The following MDN1 variants were observed in gnomAD, a reference collection of about 807,000 sequenced individuals.
MDN1 encodes the protein midasin.
In MDN1, 266 loss-of-function variants were observed where a neutral mutation model predicts 669.2. The ratio of observed to expected loss-of-function variants is 0.40; its 90% CI spans 0.36 to 0.44. The LOEUF (loss-of-function observed/expected upper bound fraction) is 0.44. MDN1 is among the 20% of genes least tolerant of loss of function. MDN1 has a pLI of 1.00. For missense variants in MDN1, 5,940 were observed against 6,754.0 expected (o/e 0.88, Z 4.22); for synonymous variants, 2,385 against 2,457.1 (o/e 0.97, Z 0.87).
At chr6:89,765,265 AC>A (rs1817754589) in intron 15 of MDN1, among the ~76,000 whole-genome samples, 2 of 152,044 alleles carry the variant, frequency 1.3e-5, no homozygotes, top group Non-Finnish European at 2.9e-5. Context: ...ATACACACAC[AC>A]ACACAAAAAA....
chr6:89,650,701 AC>A, intron 96 of MDN1, 30 bp downstream of exon 96: 1 of 1,536,132 alleles, frequency 6.5e-7, no homozygotes, highest in East Asian at 2.2e-5. Context: ...TTCTCAGGGC[AC>A]TGTGAGGCCT....
At position 89,781,516 on chromosome 6, in the gene MDN1, T is replaced by C; in HGVS notation, c.1526A>G (p.Glu509Gly). 1 of 1,613,932 alleles carries C rather than the reference T, an allele frequency of 6.2e-7. No homozygotes were observed. The highest frequency in any genetic ancestry group is 8.5e-7 in the Non-Finnish European group (1 of 1,179,880). ...LLDIYIQLTG[E>G]KHHSWSDSSV... ...ACTATCACTCCAAGAGTGATGTTTC[T>C]CTCCAGTAAGTTGGATATAAATGTC... Residue 509 changes from glutamate to glycine, a missense_variant, in exon 10 of 102, where the codon GAG (glutamate) becomes GGG (glycine). Glu to Gly is a moderately conservative substitution (Grantham distance 98). Transcript: ENST00000369393.
intron 27 of MDN1, among the ~76,000 whole-genome samples, chr6:89,746,150 CAG>C (rs1336667745): frequency 6.6e-6 from 1 of 152,142 alleles, no homozygotes; most frequent in East Asian, 1.9e-4. Context: ...GATAATCAGA[CAG>C]AAGTCAATTA....
intron 76 of MDN1, 72 bp downstream of exon 76, chr6:89,677,498 A>G (rs1332175577): frequency 6.3e-7 from 1 of 1,585,548 alleles, no homozygotes; most frequent in East Asian, 2.2e-5. Flanking sequence ...CAATGTGCAA[A>G]TGAGGACAAG....
intron 50 of MDN1, among the ~76,000 whole-genome samples, chr6:89,710,445 G>C (rs1039403192): frequency 3.3e-5 from 5 of 151,286 alleles, no homozygotes; most frequent in African/African-American, 1.2e-4. Flanking sequence ...AAAGCAAGAG[G>C]ATTGTTTGAG....
At position 89,716,782 on chromosome 6, in the gene MDN1, C is replaced by T. The variant is rs199540512; in HGVS notation, c.6611G>A (p.Arg2204Gln). 3.5e-4 allele frequency: 556 copies of T among 1,609,060 alleles called. No individual in the cohort carries two copies. The highest frequency in any genetic ancestry group is 4.5e-4 in the Non-Finnish European group (534 of 1,178,376). ...AEFAKLVEEF[R>Q]SFGVKLTQLA... is the part of the protein sequence containing the mutation. ...CTGCGTAAGCTTCACACCAAAGCTTCGGAACTCTTCAACAAGTTTGGCAAA... is the reference window on the plus strand; with the variant it reads ...CTGCGTAAGCTTCACACCAAAGCTTTGGAACTCTTCAACAAGTTTGGCAAA... Residue 2204 changes from arginine to glutamine, a missense_variant, in exon 44 of 102, where the codon CGA becomes CAA. Arg to Gln is a conservative substitution (Grantham distance 43). This residue lies in a region of MDN1 where 2,292 missense variants were observed against 2,638.3 expected (regional missense o/e 0.87). Transcript: ENST00000369393.
intron 19 of MDN1, among the ~76,000 whole-genome samples, chr6:89,757,962 C>T (rs984455084): frequency 7.2e-5 from 11 of 152,086 alleles, no homozygotes; most frequent in Admixed American, 3.3e-4. Flanking sequence ...GCAGGAGAAT[C>T]GCTTGAACCC....
At chr6:89,758,165 G>T in intron 19 of MDN1, 90 bp downstream of exon 19, 1 of 1,007,638 alleles carries the variant, frequency 9.9e-7, no homozygotes, top group South Asian at 1.5e-5. Context: ...GACTTGCAGT[G>T]AGCCAAGATC....
In MDN1 at chr6:89,696,565, T is replaced by C. The variant is rs1812755302; in HGVS notation, c.9178A>G (p.Asn3060Asp). The C allele has an allele frequency of 1.4e-5, 23 of 1,613,762 alleles. No homozygotes were observed. The highest frequency in any genetic ancestry group is 1.9e-5 in the Non-Finnish European group (23 of 1,179,698). Reference protein sequence around the residue: ...VLDSTLKGPGNLNRPIFSKCC... With the variant: ...VLDSTLKGPGDLNRPIFSKCC... ...TTAGAGAATATGGGTCTATTGAGATTGCCGGGGCCCTAAAGGACAAGAGAA... is the reference window on the plus strand; with the variant it reads ...TTAGAGAATATGGGTCTATTGAGATCGCCGGGGCCCTAAAGGACAAGAGAA... The change falls in exon 60 of 102, where the codon AAT becomes GAT. Residue 3060 changes from asparagine (N) to aspartate (D), a missense_variant. Coordinates refer to ENST00000369393, the MANE Select transcript of MDN1 (RefSeq NM_014611.3).
At chr6:89,764,986 C>A (rs181393482) in intron 15 of MDN1, among the ~76,000 whole-genome samples, 1 of 152,258 alleles carries the variant, frequency 6.6e-6, no homozygotes, top group East Asian at 1.9e-4. Context: ...GGGCTGGGCG[C>A]GGTGGCTCAC....
intron 85 of MDN1, 54 bp downstream of exon 85, chr6:89,664,433 G>A (rs1810036196): frequency 6.3e-7 from 1 of 1,596,248 alleles, no homozygotes; most frequent in South Asian, 1.1e-5. Context: ...TAATTTCCTG[G>A]ATAAAATATT....
intron 40 of MDN1, among the ~76,000 whole-genome samples, chr6:89,722,299 CA>C (rs1814881963): frequency 6.6e-6 from 1 of 152,152 alleles, no homozygotes; most frequent in African/African-American, 2.4e-5. Flanking sequence ...AAAAACAAAA[CA>C]AAACAGAAAA....
At chr6:89,709,830 T>G (rs190561631) in intron 50 of MDN1, among the ~76,000 whole-genome samples, 34 of 152,352 alleles carry the variant, frequency 2.2e-4, no homozygotes, top group Admixed American at 7.2e-4. Context: ...AAAATTAATC[T>G]TGAATACTTC....
chr6:89,763,541 T>C (rs4707565), intron 15 of MDN1, among the ~76,000 whole-genome samples: 50,121 of 151,960 alleles, frequency 0.33, 8,405 homozygotes, highest in Non-Finnish European at 0.37. Flanking sequence ...TTGCTCTAGC[T>C]TAAACATACG....
chr6:89,692,986 T>C lies in MDN1; in HGVS notation c.10044A>G (p.Thr3348=), dbSNP rs1433986082. Residue 3348 remains threonine, a synonymous_variant, in exon 63 of 102, where the codon ACA becomes ACG. Coordinates refer to ENST00000369393, the MANE Select transcript of MDN1 (RefSeq NM_014611.3). ...AKAPAVQDLL[T]RLLQALHIDG... ...CTATGTGGAGGGCCTGCAGAAGCCG[T>C]GTGAGCAGATCCTGAACAGCAGGGG... 1.9e-6 allele frequency: 3 copies of C among 1,614,142 alleles called. No homozygotes were observed. The highest frequency in any genetic ancestry group is 2.7e-5 in the African/African-American group (2 of 75,032).
At chr6:89,808,594 C>T (rs949838149) in intron 1 of MDN1, among the ~76,000 whole-genome samples, 2 of 152,260 alleles carry the variant, frequency 1.3e-5, no homozygotes, top group African/African-American at 2.4e-5. Context: ...CTCACCAGAC[C>T]CCATATCCCT....
At chr6:89,652,302 A>G (rs1263750434) in intron 94 of MDN1, 21 bp from the exon 95 acceptor site, 3 of 1,606,384 alleles carry the variant, frequency 1.9e-6, no homozygotes, top group East Asian at 2.2e-5. Context: ...AAAGCCATAG[A>G]TAAGAGGTGG....
At chr6:89,657,396 C>T (rs759141886) in intron 90 of MDN1, among the ~76,000 whole-genome samples, 10 of 152,196 alleles carry the variant, frequency 6.6e-5, no homozygotes, top group Non-Finnish European at 1.3e-4. Context: ...GCAGGTCCTG[C>T]GTTGACATCC....
intron 11 of MDN1, among the ~76,000 whole-genome samples, chr6:89,778,047 T>A (rs1186481812): frequency 6.6e-6 from 1 of 152,210 alleles, no homozygotes; most frequent in East Asian, 1.9e-4. Context: ...TCCGTCATGA[T>A]AAATTGTCTC....
Sources: gnomAD v4.1 joint callset for allele counts (sites outside exome capture counted in the v4.1 genomes callset) on GRCh38, gnomAD v4.1.1 for gene constraint, gnomAD v4.1.1 regional missense constraint, MANE v1.5 for transcripts, NCBI Gene and HGNC (gene_info 2026-07-23, HGNC 2026-07-21) for gene names.